Variants in TMEM63A observed in about 807,000 individuals in gnomAD.
The protein encoded by TMEM63A is transmembrane protein 63A, also known as mechanosensitive cation channel TMEM63A.
Under a neutral mutation model 100.6 loss-of-function variants are expected in TMEM63A, and 76 were observed. The ratio of observed to expected loss-of-function variants is 0.76; its 90% confidence interval spans 0.63 to 0.91. TMEM63A has a LOEUF of 0.91. Ranked by LOEUF, TMEM63A falls within the 40% of genes least tolerant of loss-of-function variation. The pLI is 0.00. For synonymous variants in TMEM63A, 401 were observed against 401.1 expected (o/e 1.00, Z 0.00); for missense variants, 876 against 1,008.8 (o/e 0.87, Z 1.78).
intron 20 of TMEM63A, among the ~76,000 whole-genome samples, chr1:225,852,162 A>T (rs1456278217): frequency 2.0e-5 from 3 of 152,272 alleles, no homozygotes; most frequent in African/African-American, 7.2e-5. Context: ...GAGAGGTCCT[A>T]GCTGAGGGCC....
At chr1:225,852,871 T>C (rs1480730596) in intron 19 of TMEM63A, 102 bp from the exon 20 acceptor site, 5 of 1,042,288 alleles carry the variant, frequency 4.8e-6, no homozygotes, top group Non-Finnish European at 5.8e-6. Flanking sequence ...AGGAGGACTT[T>C]GGAAATAGGA....
downstream of TMEM63A, chr1:225,842,271 C>G: frequency 1.0e-6 from 1 of 953,336 alleles, no homozygotes; most frequent in Admixed American, 1.8e-5. Context: ...GCACACAGCC[C>G]CGCCCTCTGC....
In TMEM63A at chr1:225,855,944, A is replaced by T. The variant is rs768845043; in HGVS notation, c.1572-4T>A. On this transcript the variant is annotated splice_polypyrimidine_tract_variant and splice_region_variant and intron_variant, in intron 17 of 24. Coordinates refer to ENST00000366835, the MANE Select transcript of TMEM63A (RefSeq NM_014698.3). Reference sequence around the variant, plus strand: ...CCACCGGAAGAAAAAATCTAGACTGAAAAACAAAGGAACCCCCTAAGAGTT... The same window carrying T: ...CCACCGGAAGAAAAAATCTAGACTGTAAAACAAAGGAACCCCCTAAGAGTT... 7 of 1,613,950 alleles carry T rather than the reference A, an allele frequency of 4.3e-6. No individual in the cohort carries two copies. Among genetic ancestry groups the T allele is most frequent in the Non-Finnish European group, 5.9e-6 (7 of 1,179,916 alleles).
intron 9 of TMEM63A, chr1:225,866,182 T>C (rs2074872679): frequency 1.7e-6 from 1 of 574,110 alleles, no homozygotes; most frequent in African/African-American, 1.9e-5. Flanking sequence ...AAAGCAACTC[T>C]ATGAGCCTTC....
intron 3 of TMEM63A, among the ~76,000 whole-genome samples, chr1:225,876,649 T>G (rs943617872): frequency 4.0e-5 from 4 of 98,882 alleles, no homozygotes; most frequent in Admixed American, 1.1e-4. Flanking sequence ...CTTTTTTTTG[T>G]TTTTTTGGTT....
intron 20 of TMEM63A, among the ~76,000 whole-genome samples, chr1:225,850,525 G>A (rs940670492): frequency 7.2e-5 from 11 of 152,124 alleles, no homozygotes; most frequent in African/African-American, 2.7e-4. Flanking sequence ...ATCATCCACT[G>A]GTGCATGATT....
Position 225,859,322 on chromosome 1 carries a change from G to A in TMEM63A, c.1251C>T (p.Arg417=). The change falls in exon 15 of 25, where the codon CGC becomes CGT. Residue 417 remains arginine, a synonymous_variant. Transcript: ENST00000366835. The part of the protein sequence containing the change: ...CWKNLSIQGL[R]WWLQWLGINF... ...TGATGCCCAGCCACTGTAGCCACCA[G>A]CGGAGGCCCTGGATAGAGAGGTTCT... 6.2e-7 allele frequency: 1 copy of A among 1,614,130 alleles called. No homozygotes were observed. Among genetic ancestry groups the A allele is most frequent in the Non-Finnish European group, 8.5e-7 (1 of 1,180,036 alleles).
At position 225,859,565 on chromosome 1, in the gene TMEM63A, G is replaced by A. The variant is rs144417659; in HGVS notation, c.1224-216C>T. The A allele has an allele frequency of 8.1e-4, 473 of 584,052 alleles. 5 individuals carry two copies. In the African/African-American group the frequency reaches 8.4e-3, roughly 10 times the overall value. 36.2% of individuals were successfully genotyped at this position (584,052 alleles called of 1,614,324 possible). ...TGTGGCTCCCCAGCTAAAGTCTGGG[G>A]GCCAGAACCTACCCAAAGAGATGGC... On this transcript the variant is annotated intron_variant, in intron 14 of 24. Transcript: ENST00000366835.
downstream of TMEM63A, among the ~76,000 whole-genome samples, chr1:225,844,811 T>G (rs1446943950): frequency 6.6e-6 from 1 of 152,110 alleles, no homozygotes; most frequent in Non-Finnish European, 1.5e-5. Context: ...AGGGACCAGG[T>G]GCCTGGCTCC....
At chr1:225,873,557 G>A (rs1670627609) in intron 4 of TMEM63A, among the ~76,000 whole-genome samples, 1 of 152,174 alleles carries the variant, frequency 6.6e-6, no homozygotes, top group Admixed American at 6.5e-5. Context: ...GATCCTGGGT[G>A]CAAACAGCCA....
downstream of TMEM63A, chr1:225,844,365 C>A: frequency 1.4e-6 from 2 of 1,394,708 alleles, no homozygotes; most frequent in Non-Finnish European, 2.0e-6. Context: ...ACGAGGATAC[C>A]ACACACGTTG....
Position 225,846,140 on chromosome 1 carries a change from G to C in TMEM63A, c.*799C>G, listed in dbSNP as rs1390295642. Reference sequence around the variant, plus strand: ...ACCCAGCCCAGGTACCCCTTCCTCTGTGCCGACCATGCTGTCCTTTGGCTC... The same window carrying C: ...ACCCAGCCCAGGTACCCCTTCCTCTCTGCCGACCATGCTGTCCTTTGGCTC... On this transcript the variant is annotated 3_prime_UTR_variant, in exon 25 of 25. Coordinates refer to ENST00000366835, the MANE Select transcript of TMEM63A (RefSeq NM_014698.3). The C allele has an allele frequency of 3.3e-5, 5 of 153,532 alleles. No homozygotes were observed. 9.5% of individuals were successfully genotyped at this position (153,532 alleles called of 1,614,324 possible). A position where few individuals can be genotyped will look rare whatever the true frequency, so the allele number is the denominator to read the frequency against.
chr1:225,871,061 C>T lies in TMEM63A; in HGVS notation c.371+15G>A, dbSNP rs1175209372. On this transcript the variant is annotated intron_variant, in intron 6 of 24. Coordinates refer to ENST00000366835, the MANE Select transcript of TMEM63A (RefSeq NM_014698.3). The stretch of plus-strand genomic sequence containing the variant: ...GCCCAAAGGCCCCCCAGCAGCTGCC[C>T]CCGGGTGTACTCACTGCAGACGGAA... 4 of 1,613,754 alleles carry T rather than the reference C, an allele frequency of 2.5e-6. No individual in the cohort carries two copies. Among genetic ancestry groups the T allele is most frequent in the African/African-American group, 2.7e-5 (2 of 75,050 alleles).
In TMEM63A at chr1:225,871,971, G is replaced by C; in HGVS notation, c.333+16C>G. ...CACCCCCTGGCCATGACCACAACTGGGCCTTAGATACCAACCAGCTCATTT... is the reference window on the plus strand; with the variant it reads ...CACCCCCTGGCCATGACCACAACTGCGCCTTAGATACCAACCAGCTCATTT... On this transcript the variant is annotated intron_variant, in intron 5 of 24. Transcript: ENST00000366835. 6.2e-7 allele frequency: 1 copy of C among 1,605,224 alleles called. No individual in the cohort carries two copies.
In TMEM63A at chr1:225,866,691, G is replaced by T; in HGVS notation, c.567-9C>A. 6.2e-7 allele frequency: 1 copy of T among 1,613,242 alleles called. No homozygotes were observed. On this transcript the variant is annotated splice_polypyrimidine_tract_variant and intron_variant, in intron 8 of 24. Transcript: ENST00000366835. ...GCCAAAGGAGGTCATTGCTGAGAGG[G>T]AAACCACCTGCCATCAGGGCTGGGA...
downstream of TMEM63A, chr1:225,844,372 G>A (rs562644016): frequency 2.4e-5 from 35 of 1,430,150 alleles, 1 homozygote; most frequent in East Asian, 2.7e-4. Context: ...TACCACACAC[G>A]TTGCATGAGG....
At chr1:225,868,054 T>C (rs1670302555) in intron 6 of TMEM63A, 24 bp from the exon 7 acceptor site, 2 of 1,613,530 alleles carry the variant, frequency 1.2e-6, no homozygotes, top group East Asian at 2.2e-5. Flanking sequence ...AGAGGAATCT[T>C]AATGAGCAGT....
At position 225,862,186 on chromosome 1, in the gene TMEM63A, C is replaced by T; in HGVS notation, c.1085+32G>A. On this transcript the variant is annotated intron_variant, in intron 13 of 24. Coordinates refer to ENST00000366835, the MANE Select transcript of TMEM63A (RefSeq NM_014698.3). The surrounding 1 kb of genome is among the most constrained non-coding windows in gnomAD (Gnocchi z 5.1). ...TATCTGGAGGGGAACAGGGAGTCAG[C>T]CAAGAAGGGGTCTGGATGTGCCTAC... 1 of 1,611,402 alleles carries T rather than the reference C, an allele frequency of 6.2e-7. No homozygotes were observed. The highest frequency in any genetic ancestry group is 8.5e-7 in the Non-Finnish European group (1 of 1,179,030).
rs1045735492 is a variant in TMEM63A at position 225,845,608 on chromosome 1, G to A, written c.*1331C>T. On this transcript the variant is annotated 3_prime_UTR_variant, in exon 25 of 25. Coordinates refer to ENST00000366835, the MANE Select transcript of TMEM63A (RefSeq NM_014698.3). ...ATGAGCGTGCGCTGACCCCACATGG[G>A]GCCCCCTGTGCAAGCAGAGCTGGCC... 3 of 549,820 alleles carry A rather than the reference G, an allele frequency of 5.5e-6. No individual in the cohort carries two copies. The highest frequency in any genetic ancestry group is 9.8e-6 in the Non-Finnish European group (3 of 305,952). The allele number at this position is 549,820 out of a possible 1,614,324, so 34.1% of individuals were successfully genotyped here. A position where few individuals can be genotyped will look rare whatever the true frequency, so the allele number is the denominator to read the frequency against.
Sources: allele counts gnomAD v4.1 joint callset (sites outside exome capture counted in the v4.1 genomes callset), GRCh38; gene constraint gnomAD v4.1.1; non-coding constraint Gnocchi (gnomAD v3.1); transcripts MANE v1.5; gene names NCBI Gene and HGNC (gene_info 2026-07-23, HGNC 2026-07-21).